The following MMP16 variants were observed in gnomAD, a reference collection of about 807,000 sequenced individuals.
The protein encoded by MMP16 is matrix metalloproteinase-16.
A neutral mutation model predicts 67.8 loss-of-function variants in MMP16; 12 were observed. The ratio of observed to expected loss-of-function variants is 0.18; its 90% CI spans 0.11 to 0.29. The LOEUF (loss-of-function observed/expected upper bound fraction) is 0.29. Ranked by LOEUF, MMP16 falls within the 10% of genes least tolerant of loss-of-function variation. The pLI, the probability that MMP16 is intolerant of heterozygous loss-of-function variation, is 1.00. For missense variants in MMP16, 475 were observed against 765.7 expected (o/e 0.62, Z 4.48); for synonymous variants, 249 against 255.9 (o/e 0.97, Z 0.26).
At chr8:88,213,919 C>T (rs990554835) in intron 1 of MMP16, among the ~76,000 whole-genome samples, 5 of 152,140 alleles carry the variant, frequency 3.3e-5, no homozygotes, top group African/African-American at 9.7e-5. Context: ...TGGAAATGAT[C>T]TACCTATTCT....
rs150598251 is a variant in MMP16 at position 88,050,195 on chromosome 8, C to T, written c.1374-3411G>A. 5.4e-3 allele frequency among the ~76,000 whole-genome samples: 820 copies of T among 152,210 alleles called. 6 individuals carry two copies. The highest frequency in any genetic ancestry group is 0.019 in the African/African-American group (773 of 41,540). ...AAAATTATCTGGGCGTGGTGGCAGTCGCCTGTAATCCCAGCTAGTCGGGAG... is the reference window on the plus strand; with the variant it reads ...AAAATTATCTGGGCGTGGTGGCAGTTGCCTGTAATCCCAGCTAGTCGGGAG... On this transcript the variant is annotated intron_variant, in intron 8 of 9. Coordinates refer to ENST00000286614, the MANE Select transcript of MMP16 (RefSeq NM_005941.5).
At chr8:88,169,039 A>C (rs1808760037) in intron 3 of MMP16, among the ~76,000 whole-genome samples, 1 of 152,146 alleles carries the variant, frequency 6.6e-6, no homozygotes, top group Admixed American at 6.6e-5. Flanking sequence ...AAAAAAGAGG[A>C]TACCATATTC....
rs143792809 is a variant in MMP16 at position 88,226,924 on chromosome 8, C to T, written c.133-29618G>A. The stretch of plus-strand genomic sequence containing the variant: ...TTTATTTATTTATTCTCTCGGAAAT[C>T]ATTTTGATTAAAACATTTAAGAACA... On this transcript the variant is annotated intron_variant, in intron 1 of 9. Transcript: ENST00000286614. 1.3e-4 allele frequency among the ~76,000 whole-genome samples: 19 copies of T among 151,320 alleles called. No individual in the cohort carries two copies. The East Asian group carries it at 3.7e-3, about 30-fold the overall frequency.
At chr8:88,268,005 C>G (rs1810502364) in intron 1 of MMP16, among the ~76,000 whole-genome samples, 1 of 152,060 alleles carries the variant, frequency 6.6e-6, no homozygotes, top group South Asian at 2.1e-4. Flanking sequence ...ATAGAAGATC[C>G]TACCAACTGT....
chr8:88,261,449 A>C (rs10955542), intron 1 of MMP16, among the ~76,000 whole-genome samples: 97,157 of 151,886 alleles, frequency 0.64, 33,041 homozygotes, highest in East Asian at 0.88. Flanking sequence ...ATAATTCTAA[A>C]CTGCAATCCC....
At chr8:88,080,728 G>A (rs887400619) in intron 6 of MMP16, among the ~76,000 whole-genome samples, 2 of 152,108 alleles carry the variant, frequency 1.3e-5, no homozygotes, top group Non-Finnish European at 2.9e-5. Flanking sequence ...GAGCCACCGC[G>A]CCTGGCCATG....
intron 6 of MMP16, among the ~76,000 whole-genome samples, chr8:88,086,629 AT>A (rs1369783302): frequency 6.6e-6 from 1 of 151,838 alleles, no homozygotes; most frequent in Non-Finnish European, 1.5e-5. Context: ...AAGAATTACC[AT>A]CCTTTTATTT....
intron 1 of MMP16, among the ~76,000 whole-genome samples, chr8:88,301,377 C>G (rs1811096800): frequency 6.6e-6 from 1 of 152,060 alleles, no homozygotes; most frequent in African/African-American, 2.4e-5. Context: ...ACTGTCTGAC[C>G]CTCTTCTTCA....
chr8:88,162,004 TGTG>T (rs1335303627), intron 4 of MMP16, among the ~76,000 whole-genome samples: 3 of 152,224 alleles, frequency 2.0e-5, no homozygotes, highest in South Asian at 4.1e-4. Context: ...ATAAGTGTGA[TGTG>T]GTGCTGAGAA....
intron 6 of MMP16, among the ~76,000 whole-genome samples, chr8:88,106,675 A>G (rs150030301): frequency 1.3e-5 from 2 of 151,268 alleles, no homozygotes; most frequent in East Asian, 3.9e-4. Flanking sequence ...TTTAAAAAAA[A>G]CTCACTGTAT....
In MMP16 at chr8:88,128,943, C is replaced by A. The variant is rs149881452; in HGVS notation, c.710-10082G>T. ...GTTGGAGAATGATTGGGTTTAAATT[C>A]CCAGCTCTTGAGGACTAGAATAGAG... On this transcript the variant is annotated intron_variant, in intron 4 of 9. Coordinates refer to ENST00000286614, the MANE Select transcript of MMP16 (RefSeq NM_005941.5). Among the ~76,000 whole-genome samples the A allele has an allele frequency of 2.6e-5, 4 of 151,812 alleles. No individual in the cohort carries two copies. In the South Asian group the frequency reaches 8.3e-4, roughly 31 times the overall value.
At chr8:88,179,207 A>G (rs566979047) in intron 3 of MMP16, among the ~76,000 whole-genome samples, 9 of 152,186 alleles carry the variant, frequency 5.9e-5, no homozygotes, top group African/African-American at 1.9e-4. Flanking sequence ...AAAAAGCCAG[A>G]AGGGGGTAAA....
chr8:88,266,480 C>A lies in MMP16; in HGVS notation c.132+60595G>T, dbSNP rs182685864. On this transcript the variant is annotated intron_variant, in intron 1 of 9. Transcript: ENST00000286614. ...AGTATAAATTTATCATTTTATAGAT[C>A]AGATAACTTAGTGAAATTGTAGCAT... Among the ~76,000 whole-genome samples, 360 of 152,036 alleles carry A rather than the reference C, an allele frequency of 2.4e-3. 2 individuals carry two copies. In the Middle Eastern group the frequency reaches 0.027, roughly 11 times the overall value.
intron 3 of MMP16, among the ~76,000 whole-genome samples, chr8:88,171,051 TTATAA>T (rs1046865096): frequency 6.6e-6 from 1 of 152,144 alleles, no homozygotes; most frequent in Non-Finnish European, 1.5e-5. Flanking sequence ...AAGAATAATC[TTATAA>T]TAGAGAAATG....
At chr8:88,050,591 T>C (rs1808257661) in intron 8 of MMP16, among the ~76,000 whole-genome samples, 1 of 152,192 alleles carries the variant, frequency 6.6e-6, no homozygotes, top group Admixed American at 6.5e-5. Context: ...GTCCTAACCA[T>C]AGATTTAGTA....
intron 1 of MMP16, among the ~76,000 whole-genome samples, chr8:88,198,031 A>ATAAGGGT (rs1809284105): frequency 6.6e-6 from 1 of 152,136 alleles, no homozygotes; most frequent in Non-Finnish European, 1.5e-5. Flanking sequence ...TTTATCCCCC[A>ATAAGGGT]CCTTCCCTGG....
At chr8:88,068,664 T>G (rs1808494322) in intron 7 of MMP16, among the ~76,000 whole-genome samples, 1 of 152,150 alleles carries the variant, frequency 6.6e-6, no homozygotes, top group African/African-American at 2.4e-5. Flanking sequence ...TTATTATAGC[T>G]TTAAAATAAG....
chr8:88,260,479 T>C (rs950037995), intron 1 of MMP16, among the ~76,000 whole-genome samples: 2 of 152,108 alleles, frequency 1.3e-5, no homozygotes, highest in African/African-American at 4.8e-5. Context: ...GCTGCCAAAA[T>C]AAGTATCTAC....
At chr8:88,138,485 A>G (rs1405196967) in intron 4 of MMP16, among the ~76,000 whole-genome samples, 1 of 151,992 alleles carries the variant, frequency 6.6e-6, no homozygotes, top group East Asian at 1.9e-4. Context: ...TGAGTTTGGT[A>G]AAACCTTGAA....
Sources: gnomAD v4.1 joint callset for allele counts (sites outside exome capture counted in the v4.1 genomes callset) on GRCh38, gnomAD v4.1.1 for gene constraint, MANE v1.5 for transcripts, NCBI Gene and HGNC (gene_info 2026-07-23, HGNC 2026-07-21) for gene names.